LRSAM1: variants seen among roughly 807,000 people sequenced by gnomAD.
The protein encoded by LRSAM1 is E3 ubiquitin-protein ligase LRSAM1.
LRSAM1 carries 96 observed loss-of-function variants against 118.1 expected under a neutral mutation model. The ratio of observed to expected loss-of-function variants is 0.81; its 90% CI spans 0.69 to 0.96. The LOEUF is 0.96. Among genes scored for constraint, LRSAM1 ranks in the 40% least tolerant of loss-of-function variants. LRSAM1 has a pLI of 0.00. For synonymous variants in LRSAM1, 322 were observed against 364.2 expected (o/e 0.88, Z 1.32); for missense variants, 804 against 915.5 (o/e 0.88, Z 1.57).
chr9:127,483,976 T>C (rs1000644696), intron 16 of LRSAM1, among the ~76,000 whole-genome samples: 1 of 152,190 alleles, frequency 6.6e-6, no homozygotes, highest in Non-Finnish European at 1.5e-5. Flanking sequence ...TTTTAAAATA[T>C]ATTAGTTCTG....
intron 7 of LRSAM1, among the ~76,000 whole-genome samples, chr9:127,460,851 T>TC (rs1336292987): frequency 2.6e-5 from 3 of 116,530 alleles, no homozygotes; most frequent in African/African-American, 1.2e-4. Context: ...TTCTTTCTTT[T>TC]TTTTTTTTTT....
At chr9:127,480,500 T>G (rs1835498775) in intron 14 of LRSAM1, among the ~76,000 whole-genome samples, 2 of 152,320 alleles carry the variant, frequency 1.3e-5, no homozygotes, top group African/African-American at 4.8e-5. Flanking sequence ...GCTCCAGCCA[T>G]ATGCCCTGCC....
At position 127,489,521 on chromosome 9, in the gene LRSAM1, G is replaced by T; in HGVS notation, c.1422+3G>T. On this transcript the variant is annotated splice_donor_region_variant and intron_variant, in intron 19 of 25. Transcript: ENST00000300417. ...TGCATCGGCAGATCAGGAGCCAGGT[G>T]AGCGCTGGGGCTGGGGTCCCTGGAC... 6.2e-7 allele frequency: 1 copy of T among 1,605,846 alleles called. No homozygotes were observed. Among genetic ancestry groups the T allele is most frequent in the South Asian group, 1.1e-5 (1 of 89,184 alleles).
At chr9:127,495,861 A>T in intron 22 of LRSAM1, 103 bp from the exon 23 acceptor site, 1 of 1,508,518 alleles carries the variant, frequency 6.6e-7, no homozygotes, top group Middle Eastern at 1.7e-4. Flanking sequence ...TCCCGAGTAC[A>T]TTCTATGTAT....
intron 11 of LRSAM1, among the ~76,000 whole-genome samples, chr9:127,475,185 A>G (rs1226205529): frequency 6.6e-6 from 1 of 152,168 alleles, no homozygotes; most frequent in African/African-American, 2.4e-5. Context: ...GGATTCGTAG[A>G]TTGAGCAGAG....
At chr9:127,472,643 A>G (rs1835215340) in intron 10 of LRSAM1, among the ~76,000 whole-genome samples, 1 of 152,158 alleles carries the variant, frequency 6.6e-6, no homozygotes, top group East Asian at 1.9e-4. Flanking sequence ...TCCATCTCAA[A>G]AAATAAATAA....
At chr9:127,484,413 G>T (rs1312021965) in intron 16 of LRSAM1, among the ~76,000 whole-genome samples, 5 of 152,054 alleles carry the variant, frequency 3.3e-5, no homozygotes, top group African/African-American at 1.2e-4. Context: ...CACCAGGCTG[G>T]AGGGCAGTGG....
intron 25 of LRSAM1, 64 bp from the exon 26 acceptor site, chr9:127,502,710 A>AT: frequency 2.2e-6 from 3 of 1,393,930 alleles, no homozygotes; most frequent in Non-Finnish European, 2.9e-6. Flanking sequence ...AAAAAAAAAA[A>AT]GACGGGCCTG....
At chr9:127,494,086 T>C (rs1836031203) in intron 21 of LRSAM1, among the ~76,000 whole-genome samples, 3 of 152,226 alleles carry the variant, frequency 2.0e-5, no homozygotes, top group African/African-American at 7.2e-5. Context: ...AGCCAGGTAC[T>C]ATGGCTGGTG....
intron 18 of LRSAM1, among the ~76,000 whole-genome samples, chr9:127,488,416 C>T (rs777978586): frequency 1.9e-4 from 29 of 152,012 alleles, no homozygotes; most frequent in Non-Finnish European, 4.0e-4. Flanking sequence ...CACCCACCAA[C>T]ACGCCCAACT....
intron 22 of LRSAM1, among the ~76,000 whole-genome samples, 199 bp from the exon 23 acceptor site, chr9:127,495,765 G>C (rs959294201): frequency 6.6e-6 from 1 of 152,188 alleles, no homozygotes; most frequent in Non-Finnish European, 1.5e-5. Flanking sequence ...ACTATTTTCA[G>C]GTTTGCAGAC....
intron 14 of LRSAM1, among the ~76,000 whole-genome samples, chr9:127,480,442 C>T (rs1835496415): frequency 6.6e-6 from 1 of 152,184 alleles, no homozygotes; most frequent in East Asian, 1.9e-4. Context: ...CCAGAAAAGC[C>T]TGAGAAGTCT....
intron 10 of LRSAM1, among the ~76,000 whole-genome samples, chr9:127,468,971 C>T (rs1293952717): frequency 6.6e-6 from 1 of 151,332 alleles, no homozygotes; most frequent in Non-Finnish European, 1.5e-5. Context: ...AAAGCAATAC[C>T]CTATCTCAAA....
At chr9:127,478,596 G>A (rs181930031) in intron 11 of LRSAM1, among the ~76,000 whole-genome samples, 17 of 152,290 alleles carry the variant, frequency 1.1e-4, no homozygotes, top group African/African-American at 3.1e-4. Flanking sequence ...GGTGTGTTAC[G>A]CAGACATCCA....
In LRSAM1 at chr9:127,501,159, T is replaced by C. The variant is rs753575542; in HGVS notation, c.2046+16T>C. The C allele has an allele frequency of 2.6e-4, 420 of 1,594,420 alleles. 1 individual carries two copies. The highest frequency in any genetic ancestry group is 5.2e-4 in the Middle Eastern group (3 of 5,734). ...GGAACGGGAGGTAAGTCCGGGGCCC[T>C]CCCCACCCGCCTGCCCTGCCTGTGG... On this transcript the variant is annotated intron_variant, in intron 25 of 25. Transcript: ENST00000300417.
chr9:127,473,216 C>T (rs1835237654), intron 10 of LRSAM1, among the ~76,000 whole-genome samples: 1 of 152,164 alleles, frequency 6.6e-6, no homozygotes, highest in African/African-American at 2.4e-5. Context: ...TTGAGTACAT[C>T]AAAACTTACA....
At chr9:127,479,547 C>A (rs1835456336) in intron 13 of LRSAM1, 42 bp downstream of exon 13, 2 of 1,610,766 alleles carry the variant, frequency 1.2e-6, no homozygotes, top group East Asian at 4.5e-5. Context: ...GCTGCATCCC[C>A]CAGCCAGTGG....
chr9:127,463,633 T>C (rs997679392), intron 9 of LRSAM1, among the ~76,000 whole-genome samples: 2 of 152,054 alleles, frequency 1.3e-5, no homozygotes, highest in African/African-American at 4.8e-5. Flanking sequence ...TTAACTTAAT[T>C]ACCTCCTTAA....
At chr9:127,466,044 C>T in intron 9 of LRSAM1, among the ~76,000 whole-genome samples, 1 of 152,284 alleles carries the variant, frequency 6.6e-6, no homozygotes, top group East Asian at 1.9e-4. Flanking sequence ...CACAGTGGCT[C>T]AAGCTTGTAA....
Sources: gnomAD v4.1 joint callset for allele counts (sites outside exome capture counted in the v4.1 genomes callset) on GRCh38, gnomAD v4.1.1 for gene constraint, MANE v1.5 for transcripts, NCBI Gene and HGNC (gene_info 2026-07-23, HGNC 2026-07-21) for gene names.